SCLT1: variants seen among roughly 807,000 people sequenced by gnomAD.
The protein encoded by SCLT1 is sodium channel-associated protein 1.
SCLT1 carries 78 observed loss-of-function variants against 112.8 expected under a neutral mutation model. The observed-to-expected ratio is 0.69, with a 90% confidence interval of 0.58 to 0.83. The LOEUF (loss-of-function observed/expected upper bound fraction) is 0.83, where lower values mean the gene tolerates loss of function less well. Ranked by LOEUF, SCLT1 falls within the 40% of genes least tolerant of loss-of-function variation. The probability of loss-of-function intolerance (pLI) is 0.00; values close to 1 mark genes in which losing one functional copy is unlikely to be tolerated. For synonymous variants in SCLT1, 257 were observed against 254.7 expected, an observed-to-expected ratio of 1.01 and a Z score of -0.09; for missense variants, 747 against 770.4, an observed-to-expected ratio of 0.97 and a Z score of 0.36.
downstream of SCLT1, chr4:128,883,853 T>G (rs1469549481): frequency 6.6e-6 from 1 of 152,236 alleles, no homozygotes; most frequent in Non-Finnish European, 1.5e-5. Context: ...GCACCTAAGA[T>G]CTCCATTTGA....
chr4:128,957,883 C>T lies in SCLT1; in HGVS notation c.1048-759G>A, dbSNP rs564889193. Among the ~76,000 whole-genome samples the T allele has an allele frequency of 2.6e-5, 4 of 152,162 alleles. No individual in the cohort carries two copies. The East Asian group carries it at 7.7e-4, about 29-fold the overall frequency. ...ATTTTCAGCACATCACACACAGTAC[C>T]GGTTTTCCTCCTATCTCACTGATCA... On this transcript the variant is annotated intron_variant, in intron 12 of 20. Coordinates refer to ENST00000281142, the MANE Select transcript of SCLT1 (RefSeq NM_144643.4).
At chr4:129,092,041 T>C (rs1752875612) in intron 1 of SCLT1, among the ~76,000 whole-genome samples, 1 of 152,224 alleles carries the variant, frequency 6.6e-6, no homozygotes, top group South Asian at 2.1e-4. Context: ...GTTTACTTCT[T>C]ACCTGAATGA....
At chr4:129,004,012 A>G (rs1316451095) in intron 5 of SCLT1, 136 bp from the exon 6 acceptor site, 1 of 747,370 alleles carries the variant, frequency 1.3e-6, no homozygotes, top group East Asian at 2.7e-5. Context: ...CAAATAAAAA[A>G]TTAGAAGTGT....
At chr4:129,005,914 G>A (rs558278096) in intron 5 of SCLT1, among the ~76,000 whole-genome samples, 2 of 150,392 alleles carry the variant, frequency 1.3e-5, no homozygotes, top group African/African-American at 4.9e-5. Flanking sequence ...ACTATCGCAA[G>A]GACAAAAAAC....
intron 10 of SCLT1, among the ~76,000 whole-genome samples, chr4:128,966,913 G>A (rs983772076): frequency 5.3e-5 from 8 of 151,594 alleles, no homozygotes; most frequent in African/African-American, 1.9e-4. Flanking sequence ...TGCTACATGG[G>A]TAAATTGTGT....
rs770309572 is a variant in SCLT1 at position 128,997,929 on chromosome 4, A to G, written c.560T>C (p.Phe187Ser). Residue 187 changes from phenylalanine (F) to serine (S), a missense_variant, in exon 8 of 21, where the codon TTT (phenylalanine) becomes TCT (serine). Coordinates refer to ENST00000281142, the MANE Select transcript of SCLT1 (RefSeq NM_144643.4). ...FESQKQKDQL[F>S]DFQQLTKQLH... ...TTGTTTGGTCAGTTGTTGAAAATCA[A>G]ATAGCTGATCCTACAGTGGGAAGGT... is the stretch of plus-strand genomic sequence containing the variant. The G allele has an allele frequency of 3.3e-6, 5 of 1,512,174 alleles. No homozygotes were observed. In the Admixed American group the frequency reaches 9.6e-5, roughly 29 times the overall value. 93.7% of individuals were successfully genotyped at this position (1,512,174 alleles called of 1,614,324 possible). A position where few individuals can be genotyped will look rare whatever the true frequency, so the allele number is the denominator to read the frequency against.
At chr4:129,072,719 T>G (rs964293671) in intron 2 of SCLT1, among the ~76,000 whole-genome samples, 1 of 152,200 alleles carries the variant, frequency 6.6e-6, no homozygotes, top group African/African-American at 2.4e-5. Flanking sequence ...GTCTCATTTT[T>G]TGGATTTTCT....
At chr4:128,996,180 C>A (rs1743003676) in intron 8 of SCLT1, among the ~76,000 whole-genome samples, 1 of 152,004 alleles carries the variant, frequency 6.6e-6, no homozygotes. Flanking sequence ...TCCCTGCTAG[C>A]TTTGGTGAGT....
At chr4:128,915,725 C>A (rs1735423047) in intron 18 of SCLT1, among the ~76,000 whole-genome samples, 1 of 152,208 alleles carries the variant, frequency 6.6e-6, no homozygotes, top group African/African-American at 2.4e-5. Context: ...TTCATTCATT[C>A]ATTCATTCAT....
chr4:129,087,729 G>A (rs1752512032), intron 1 of SCLT1, among the ~76,000 whole-genome samples: 1 of 149,482 alleles, frequency 6.7e-6, no homozygotes, highest in African/African-American at 2.5e-5. Context: ...CTCCAGCCTG[G>A]GTGACAGTGA....
At chr4:128,881,935 G>A (rs1281836116), downstream of SCLT1, among the ~76,000 whole-genome samples, 1 of 152,130 alleles carries the variant, frequency 6.6e-6, no homozygotes, top group Non-Finnish European at 1.5e-5. Context: ...TTCTCTTGGA[G>A]AATATCTAAG....
chr4:129,027,973 C>A (rs569251315), intron 5 of SCLT1, among the ~76,000 whole-genome samples: 1 of 151,944 alleles, frequency 6.6e-6, no homozygotes, highest in South Asian at 2.1e-4. Flanking sequence ...TTACAAGGGA[C>A]GGGAAGGACC....
chr4:128,999,693 T>C lies in SCLT1; in HGVS notation c.528A>G (p.Val176=). 1 of 1,599,800 alleles carries C rather than the reference T, an allele frequency of 6.3e-7. No individual in the cohort carries two copies. The highest frequency in any genetic ancestry group is 8.5e-7 in the Non-Finnish European group (1 of 1,171,808). ...QEHMTEAQIH[V]FESQKQKDQL... is the part of the protein sequence containing the mutation. Reference sequence around the variant, plus strand: ...TTACCTTTTGTTTTTGACTTTCAAATACATGAATCTGGGCCTCAGTCATAT... The same window carrying C: ...TTACCTTTTGTTTTTGACTTTCAAACACATGAATCTGGGCCTCAGTCATAT... Residue 176 remains valine (V), a synonymous_variant, in exon 7 of 21, where the codon GTA becomes GTG. Transcript: ENST00000281142.
intron 9 of SCLT1, among the ~76,000 whole-genome samples, chr4:128,977,555 G>A (rs1457742358): frequency 1.3e-5 from 2 of 152,144 alleles, no homozygotes; most frequent in Non-Finnish European, 2.9e-5. Context: ...CAGGGAAATA[G>A]GAAAGACATG....
intron 14 of SCLT1, among the ~76,000 whole-genome samples, chr4:128,949,470 C>T (rs543540478): frequency 4.2e-4 from 64 of 151,960 alleles, no homozygotes; most frequent in African/African-American, 1.5e-3. Context: ...TGTTGGTGTG[C>T]TGCACCCATT....
At chr4:129,052,193 G>C (rs1748863717) in intron 2 of SCLT1, among the ~76,000 whole-genome samples, 1 of 151,988 alleles carries the variant, frequency 6.6e-6, no homozygotes, top group Non-Finnish European at 1.5e-5. Context: ...TTCTTTTTTT[G>C]TTGTATCTCT....
chr4:129,052,516 G>A (rs1748901744), intron 2 of SCLT1, among the ~76,000 whole-genome samples: 1 of 151,622 alleles, frequency 6.6e-6, no homozygotes, highest in South Asian at 2.1e-4. Context: ...TTTTTGTATA[G>A]AGATGTTTAT....
At chr4:128,936,976 ACTACGTAAGAAAT>A in intron 17 of SCLT1, 125 bp from the exon 18 acceptor site, 1 of 473,034 alleles carries the variant, frequency 2.1e-6, no homozygotes. Context: ...GGATGAGAAA[ACTACGTAAGAAAT>A]CAAGTTTGGT....
intron 11 of SCLT1, among the ~76,000 whole-genome samples, chr4:128,962,833 G>T (rs182659470): frequency 8.0e-4 from 75 of 93,998 alleles, no homozygotes; most frequent in African/African-American, 4.5e-3. Flanking sequence ...CAGTACTAAA[G>T]ACTCACCCAA....
Sources: gnomAD v4.1 joint callset for allele counts (sites outside exome capture counted in the v4.1 genomes callset) on GRCh38, gnomAD v4.1.1 for gene constraint, MANE v1.5 for transcripts, NCBI Gene and HGNC (gene_info 2026-07-23, HGNC 2026-07-21) for gene names.